The following CD101 variants were observed in gnomAD, a reference collection of about 807,000 sequenced individuals.
CD101 encodes the protein CD101 molecule.
A neutral mutation model predicts 98.2 loss-of-function variants in CD101; 76 were observed. That is an observed-to-expected ratio of 0.77 (90% CI 0.64 to 0.94). The LOEUF (loss-of-function observed/expected upper bound fraction) is 0.94. Among genes scored for constraint, CD101 ranks in the 40% least tolerant of loss-of-function variants. The pLI is 0.00. For synonymous variants in CD101, 471 were observed against 472.7 expected (o/e 1.00, Z 0.05); for missense variants, 1,145 against 1,218.8 (o/e 0.94, Z 0.90).
In CD101 at chr1:117,005,900, A is replaced by G. The variant is rs1440829780; in HGVS notation, c.44-3950A>G. Among the ~76,000 whole-genome samples the G allele has an allele frequency of 6.6e-6, 1 of 152,002 alleles. No homozygotes were observed. Among genetic ancestry groups the G allele is most frequent in the Non-Finnish European group, 1.5e-5 (1 of 67,996 alleles). On this transcript the variant is annotated intron_variant, in intron 1 of 9. Coordinates refer to ENST00000682167, the MANE Select transcript of CD101 (RefSeq NM_001256106.3). This position sits in a 1 kb window ranked among gnomAD's most constrained non-coding sequence, Gnocchi z 4.4. ...TTTTTGAAAGGATTCGATTACAAAT[A>G]TTTTCAAAGGGTTAAAGTCTATTTA...
chr1:117,016,206 T>A (rs907040476), intron 4 of CD101, among the ~76,000 whole-genome samples: 27 of 146,168 alleles, frequency 1.8e-4, no homozygotes, highest in African/African-American at 6.7e-4. Flanking sequence ...ATATATTTAT[T>A]TATATATATA....
rs962374728 is a variant in CD101 at position 117,005,950 on chromosome 1, A to T, written c.44-3900A>T. Among the ~76,000 whole-genome samples, 2 of 152,120 alleles carry T rather than the reference A, an allele frequency of 1.3e-5. No individual in the cohort carries two copies. The highest frequency in any genetic ancestry group is 2.9e-5 in the Non-Finnish European group (2 of 68,030). On this transcript the variant is annotated intron_variant, in intron 1 of 9. Coordinates refer to ENST00000682167, the MANE Select transcript of CD101 (RefSeq NM_001256106.3). This position sits in a 1 kb window ranked among gnomAD's most constrained non-coding sequence, Gnocchi z 4.4. The stretch of plus-strand genomic sequence containing the variant: ...AACCCTTTGAAAATATGTATAATTT[A>T]TATGTAAATATAAATATCTATATTT...
rs146347161 is a variant in CD101 at position 117,012,706 on chromosome 1, C to A, written c.842-700C>A. Among the ~76,000 whole-genome samples, 1 of 152,326 alleles carries A rather than the reference C, an allele frequency of 6.6e-6. No homozygotes were observed. The highest frequency in any genetic ancestry group is 1.9e-4 in the East Asian group (1 of 5,190). On this transcript the variant is annotated intron_variant, in intron 3 of 9. Transcript: ENST00000682167. This position sits in a 1 kb window ranked among gnomAD's most constrained non-coding sequence, Gnocchi z 4.0. ...TTCAGGCGTGAGCCACCGCACCCAG[C>A]CTGCTGTTACTTTTCATAATCTTTT...
In CD101 at chr1:117,006,858, C is replaced by T. The variant is rs1057151592; in HGVS notation, c.44-2992C>T. Among the ~76,000 whole-genome samples the T allele has an allele frequency of 2.6e-5, 4 of 152,082 alleles. No individual in the cohort carries two copies. Among genetic ancestry groups the T allele is most frequent in the Non-Finnish European group, 5.9e-5 (4 of 68,032 alleles). On this transcript the variant is annotated intron_variant, in intron 1 of 9. Coordinates refer to ENST00000682167, the MANE Select transcript of CD101 (RefSeq NM_001256106.3). This position sits in a 1 kb window ranked among gnomAD's most constrained non-coding sequence, Gnocchi z 4.4. ...TAAATTCATCTTCATATCTTAGTCC[C>T]TCAAGCATGAGAAATACTATAAGTG...
rs1170927735 is a variant in CD101 at position 117,036,159 on chromosome 1, G to C, written c.*34-9G>C. On this transcript the variant is annotated splice_polypyrimidine_tract_variant and intron_variant, in intron 9 of 9. Coordinates refer to ENST00000682167, the MANE Select transcript of CD101 (RefSeq NM_001256106.3). The surrounding 1 kb of genome is among the most constrained non-coding windows in gnomAD (Gnocchi z 5.0). ...TTTAACCAACTTGAGCAATCAGCTT[G>C]TTTTACAGCTTCCTGCCTTGCTGCC... is the stretch of plus-strand genomic sequence containing the variant. 2.6e-5 allele frequency: 4 copies of C among 152,334 alleles called. No individual in the cohort carries two copies. The highest frequency in any genetic ancestry group is 1.5e-5 in the Non-Finnish European group (1 of 68,126). 9.4% of individuals were successfully genotyped at this position (152,334 alleles called of 1,614,324 possible).
At chr1:117,034,248 T>C in intron 9 of CD101, 114 bp downstream of exon 9, 1 of 918,894 alleles carries the variant, frequency 1.1e-6, no homozygotes, top group African/African-American at 1.7e-5. Flanking sequence ...ATTCACTGAG[T>C]GCTTATTGGT....
chr1:117,004,798 T>C lies in CD101; in HGVS notation c.43+2938T>C, dbSNP rs537211687. Among the ~76,000 whole-genome samples the C allele has an allele frequency of 6.6e-6, 1 of 152,068 alleles. No individual in the cohort carries two copies. The highest frequency in any genetic ancestry group is 1.5e-5 in the Non-Finnish European group (1 of 67,984). On this transcript the variant is annotated intron_variant, in intron 1 of 9. Coordinates refer to ENST00000682167, the MANE Select transcript of CD101 (RefSeq NM_001256106.3). This position sits in a 1 kb window ranked among gnomAD's most constrained non-coding sequence, Gnocchi z 4.1. ...CCTTTGAAATCTCCACACTATTTCT[T>C]TCACTTTTCTCAGAAAGTAGTATGT...
In CD101 at chr1:117,021,879, A is replaced by G; in HGVS notation, c.2324A>G (p.Lys775Arg). 1.9e-6 allele frequency: 3 copies of G among 1,614,186 alleles called. No individual in the cohort carries two copies. Among genetic ancestry groups the G allele is most frequent in the East Asian group, 4.5e-5 (2 of 44,880 alleles). The change falls in exon 7 of 10, where the codon AAA (lysine) becomes AGA (arginine). Residue 775 changes from lysine to arginine, a missense_variant. Transcript: ENST00000682167. The surrounding 1 kb of genome is among the most constrained non-coding windows in gnomAD (Gnocchi z 4.7). ...AATGTGGAAGACAGCGATCGGGGCA[A>G]ATATCACTGTGCTGTGGAGGAATGG... is the stretch of plus-strand genomic sequence containing the variant. ...ILNVEDSDRGKYHCAVEEWLL... is the reference protein window; with the variant it reads ...ILNVEDSDRGRYHCAVEEWLL...
In CD101 at chr1:117,025,577, C is replaced by T. The variant is rs756329414; in HGVS notation, c.2497C>T (p.Arg833Cys). 22 of 1,612,566 alleles carry T rather than the reference C, an allele frequency of 1.4e-5. No homozygotes were observed. In the Admixed American group the frequency reaches 1.5e-4, roughly 11 times the overall value. ...GACTGAGCACAGAGAAGTGGCCATC[C>T]GCTGCAGCCTGGAGAGTGTAGGCAG... Reference protein sequence around the residue: ...NVTEHREVAIRCSLESVGSSA... With the variant: ...NVTEHREVAICCSLESVGSSA... Residue 833 changes from arginine (R) to cysteine (C), a missense_variant, in exon 8 of 10, where the codon CGC becomes TGC. Physicochemically the swap from Arg to Cys is radical, Grantham distance 180. Transcript: ENST00000682167.
chr1:117,033,411 T>C lies in CD101; in HGVS notation c.2825-449T>C, dbSNP rs1172446048. On this transcript the variant is annotated intron_variant, in intron 8 of 9. Coordinates refer to ENST00000682167, the MANE Select transcript of CD101 (RefSeq NM_001256106.3). This position sits in a 1 kb window ranked among gnomAD's most constrained non-coding sequence, Gnocchi z 4.8. ...ACAGTGCAGAGTGCAGGGCAGAGTG[T>C]GTGTGTATGTGTGTGTGAGAAAGAG... Among the ~76,000 whole-genome samples the C allele has an allele frequency of 6.6e-6, 1 of 152,000 alleles. No homozygotes were observed. The highest frequency in any genetic ancestry group is 2.4e-5 in the African/African-American group (1 of 41,374).
chr1:117,029,213 A>AAAAGAAAGAAAAG lies in CD101; in HGVS notation c.2824+3320_2824+3321insAGAAAGAAAGAAA, dbSNP rs1654218115. 2.0e-3 allele frequency among the ~76,000 whole-genome samples: 142 copies of AAAAGAAAGAAAAG among 71,796 alleles called. 2 individuals are homozygous for AAAAGAAAGAAAAG. Among genetic ancestry groups the AAAAGAAAGAAAAG allele is most frequent in the Non-Finnish European group, 2.7e-3 (93 of 34,194 alleles). The allele number at this position is 71,796 out of a possible 152,430, so 47.1% of individuals were successfully genotyped here. ...AAAGAAAGAAAGAAAGAAAAGAAAG[A>AAAAGAAAGAAAAG]AAAGAAAGAAAGAAAGAAAGAAAGA... On this transcript the variant is annotated intron_variant, in intron 8 of 9. Transcript: ENST00000682167.
intron 9 of CD101, among the ~76,000 whole-genome samples, chr1:117,035,080 AAGC>A (rs1309666020): frequency 2.6e-5 from 4 of 152,102 alleles, no homozygotes; most frequent in African/African-American, 7.2e-5. Context: ...CAGTAGCAAA[AAGC>A]AGCCGGTGGG....
chr1:117,014,311 C>T (rs1297877943), intron 4 of CD101, among the ~76,000 whole-genome samples: 1 of 151,392 alleles, frequency 6.6e-6, no homozygotes, highest in Non-Finnish European at 1.5e-5. Flanking sequence ...ACCTTGAGAC[C>T]CTGCCGGCAT....
At position 117,018,583 on chromosome 1, in the gene CD101, C is replaced by G; in HGVS notation, c.2017+23C>G. ...CAGGTAAGTGTGACTTGAAATTAAT[C>G]CCTGTTTTAAAAACAAACAAATAGC... On this transcript the variant is annotated intron_variant, in intron 6 of 9. Transcript: ENST00000682167. The surrounding 1 kb of genome is among the most constrained non-coding windows in gnomAD (Gnocchi z 4.3). 2 of 1,541,570 alleles carry G rather than the reference C, an allele frequency of 1.3e-6. No individual in the cohort carries two copies. The highest frequency in any genetic ancestry group is 2.5e-5 in the South Asian group (2 of 80,268).
chr1:117,011,388 C>T (rs941132616), intron 2 of CD101, among the ~76,000 whole-genome samples, 162 bp from the exon 3 acceptor site: 1 of 152,160 alleles, frequency 6.6e-6, no homozygotes, highest in Non-Finnish European at 1.5e-5. Context: ...GCCAATGTTC[C>T]CAATGGCAAT....
chr1:117,014,123 A>T (rs1653060243), intron 4 of CD101, among the ~76,000 whole-genome samples: 1 of 147,858 alleles, frequency 6.8e-6, no homozygotes, highest in Non-Finnish European at 1.5e-5. Context: ...TTTTGTTCTA[A>T]TTTTTATGTA....
At chr1:117,025,995 T>TCTGAAGACAATTTTCAGA (rs374569547) in intron 8 of CD101, 91 bp downstream of exon 8, 19 of 1,383,298 alleles carry the variant, frequency 1.4e-5, no homozygotes, top group African/African-American at 7.2e-5. Context: ...TTTTGCTCCT[T>TCTGAAGACAATTTTCAGA]CTGAAGACAA....
At chr1:117,024,455 C>T (rs1375895041) in intron 7 of CD101, among the ~76,000 whole-genome samples, 1 of 151,480 alleles carries the variant, frequency 6.6e-6, no homozygotes, top group East Asian at 2.0e-4. Context: ...CTAGCCTGGG[C>T]GACAGAGCGA....
chr1:117,009,793 A>C (rs1048576279), intron 1 of CD101, 57 bp from the exon 2 acceptor site: 38 of 1,521,424 alleles, frequency 2.5e-5, no homozygotes, highest in Non-Finnish European at 3.4e-5. Context: ...AACGTGGTAC[A>C]CTGGGAACTG....
Sources: allele counts gnomAD v4.1 joint callset (sites outside exome capture counted in the v4.1 genomes callset), GRCh38; gene constraint gnomAD v4.1.1; non-coding constraint Gnocchi (gnomAD v3.1); transcripts MANE v1.5; gene names NCBI Gene and HGNC (gene_info 2026-07-23, HGNC 2026-07-21).